Variants in ETV6 observed in about 807,000 individuals in gnomAD.
ETV6 encodes ETS variant transcription factor 6.
ETV6 carries 16 observed loss-of-function variants against 51.1 expected under a neutral mutation model. The ratio of observed to expected loss-of-function variants is 0.31; its 90% CI spans 0.21 to 0.48. The LOEUF is 0.48. Among genes scored for constraint, ETV6 ranks in the 20% least tolerant of loss-of-function variants. The probability of loss-of-function intolerance (pLI) is 0.99; values close to 1 mark genes in which losing one functional copy is unlikely to be tolerated. For synonymous variants in ETV6, 240 were observed against 224.1 expected (o/e 1.07, Z -0.64); for missense variants, 458 against 594.8 (o/e 0.77, Z 2.39).
intron 5 of ETV6, among the ~76,000 whole-genome samples, chr12:11,871,059 G>C (rs1050285186): frequency 7.9e-5 from 12 of 152,126 alleles, no homozygotes; most frequent in Non-Finnish European, 1.3e-4. Flanking sequence ...GTTCAGGGAA[G>C]GGTGAGAAAT....
Position 11,730,425 on chromosome 12 carries a change from G to A in ETV6, c.34-22025G>A, listed in dbSNP as rs188532018. On this transcript the variant is annotated intron_variant, in intron 1 of 7. Transcript: ENST00000396373. ...GCTGCTCTGGGGTTGCCAAGCTCAA[G>A]GAAGCCAATTGTAGTGTGCACAAAG... Among the ~76,000 whole-genome samples, 4 of 152,340 alleles carry A rather than the reference G, an allele frequency of 2.6e-5. No homozygotes were observed. In the East Asian group the frequency reaches 7.7e-4, roughly 29 times the overall value.
chr12:11,669,800 C>G (rs1166129288), intron 1 of ETV6, among the ~76,000 whole-genome samples: 1 of 152,100 alleles, frequency 6.6e-6, no homozygotes, highest in African/African-American at 2.4e-5. Flanking sequence ...TATATTCATT[C>G]GTATTCCCAA....
intron 1 of ETV6, among the ~76,000 whole-genome samples, chr12:11,748,657 TGGG>T (rs1865951861): frequency 6.6e-6 from 1 of 151,972 alleles, no homozygotes; most frequent in Non-Finnish European, 1.5e-5. Flanking sequence ...AACCTGAGGG[TGGG>T]TGTGGGGGAA....
chr12:11,652,370 G>T (rs1863922000), intron 1 of ETV6, among the ~76,000 whole-genome samples: 1 of 152,206 alleles, frequency 6.6e-6, no homozygotes, highest in Non-Finnish European at 1.5e-5. Context: ...TTCTGGTGAT[G>T]TGTGCTGCGT....
intron 2 of ETV6, among the ~76,000 whole-genome samples, chr12:11,781,139 T>A (rs1156248751): frequency 6.6e-6 from 1 of 152,198 alleles, no homozygotes; most frequent in Non-Finnish European, 1.5e-5. Context: ...GTCCAACTCT[T>A]AGGAAGTGTT....
chr12:11,828,544 A>G (rs1039790683), intron 2 of ETV6, among the ~76,000 whole-genome samples: 1 of 152,140 alleles, frequency 6.6e-6, no homozygotes, highest in African/African-American at 2.4e-5. Flanking sequence ...TGTCAGAACT[A>G]TTTGCATACA....
chr12:11,877,692 T>C (rs571276958), intron 5 of ETV6, among the ~76,000 whole-genome samples: 2 of 152,194 alleles, frequency 1.3e-5, no homozygotes, highest in East Asian at 3.9e-4. Context: ...AGGGAAGCAG[T>C]GTGGGCCTGT....
chr12:11,680,573 C>T (rs1591604472), intron 1 of ETV6, among the ~76,000 whole-genome samples: 1 of 152,230 alleles, frequency 6.6e-6, no homozygotes, highest in African/African-American at 2.4e-5. Context: ...AGGATTAACT[C>T]TCTCCATTAA....
chr12:11,687,466 C>T (rs205531), intron 1 of ETV6, among the ~76,000 whole-genome samples: 133,792 of 152,062 alleles, frequency 0.88, 59,461 homozygotes, highest in East Asian at 1. Flanking sequence ...ACAGGCGTGA[C>T]CCGCACCCAG....
At chr12:11,747,983 C>T (rs1158345026) in intron 1 of ETV6, among the ~76,000 whole-genome samples, 2 of 152,142 alleles carry the variant, frequency 1.3e-5, no homozygotes, top group Non-Finnish European at 2.9e-5. Flanking sequence ...TAGAAGTTGA[C>T]GACGGTACAA....
At chr12:11,772,128 T>C (rs536618639) in intron 2 of ETV6, among the ~76,000 whole-genome samples, 13 of 152,208 alleles carry the variant, frequency 8.5e-5, no homozygotes, top group Non-Finnish European at 1.9e-4. Context: ...TTCAGACACC[T>C]AAAAAGTAGA....
rs764661178 is a variant in ETV6, at chr12:11,869,360, G to T, written c.464-64G>T. 27 of 1,465,420 alleles carry T rather than the reference G, an allele frequency of 1.8e-5. No homozygotes were observed. The highest frequency in any genetic ancestry group is 2.5e-5 in the Non-Finnish European group (27 of 1,074,604). The allele number at this position is 1,465,420 out of a possible 1,614,324, so 90.8% of individuals were successfully genotyped here. The stretch of plus-strand genomic sequence containing the variant: ...TCCTCCATTTACCGCCTGTAGAGCC[G>T]CAGGGAGTTTCCTGTCCTGCCAACT... On this transcript the variant is annotated intron_variant, in intron 4 of 7. Coordinates refer to ENST00000396373, the MANE Select transcript of ETV6 (RefSeq NM_001987.5). This position sits in a 1 kb window ranked among gnomAD's most constrained non-coding sequence, Gnocchi z 5.0.
In ETV6 at chr12:11,893,794, TTATA is replaced by T. The variant is rs57308697; in HGVS notation, c.*2793_*2796del. 1,759 of 78,888 alleles carry T rather than the reference TTATA, an allele frequency of 0.022. 24 individuals are homozygous for T. Among genetic ancestry groups the T allele is most frequent in the Admixed American group, 0.025 (176 of 7,072 alleles). The allele number at this position is 78,888 out of a possible 1,614,324, so 4.9% of individuals were successfully genotyped here. ...GTGTCCATCCCCAAGATCTCTCATT[TTATA>T]TATATATATATATATATATATATAT... is the stretch of plus-strand genomic sequence containing the variant. On this transcript the variant is annotated 3_prime_UTR_variant, in exon 8 of 8. Coordinates refer to ENST00000396373, the MANE Select transcript of ETV6 (RefSeq NM_001987.5).
intron 1 of ETV6, among the ~76,000 whole-genome samples, chr12:11,734,539 A>G (rs1422330098): frequency 1.3e-5 from 2 of 152,030 alleles, no homozygotes; most frequent in African/African-American, 4.8e-5. Flanking sequence ...GAAAAAAAAA[A>G]AAAGAAGAAG....
intron 2 of ETV6, chr12:11,752,803 C>A: frequency 2.4e-6 from 1 of 419,812 alleles, no homozygotes. Flanking sequence ...CTGACTATGA[C>A]ATGTTAAAAA....
chr12:11,815,667 G>C (rs1945981812), intron 2 of ETV6, among the ~76,000 whole-genome samples: 1 of 152,250 alleles, frequency 6.6e-6, no homozygotes, highest in South Asian at 2.1e-4. Context: ...TTTGCAAACT[G>C]TGGAGTATTG....
chr12:11,753,970 G>T (rs184280445), intron 2 of ETV6, among the ~76,000 whole-genome samples: 14 of 152,300 alleles, frequency 9.2e-5, no homozygotes, highest in African/African-American at 3.4e-4. Context: ...AGGTGCCAGG[G>T]TCATGGCTGG....
At chr12:11,727,416 T>C (rs1865511396) in intron 1 of ETV6, among the ~76,000 whole-genome samples, 1 of 152,206 alleles carries the variant, frequency 6.6e-6, no homozygotes, top group Non-Finnish European at 1.5e-5. Flanking sequence ...GCCTGGGAGC[T>C]TTCTGTTCTA....
intron 1 of ETV6, among the ~76,000 whole-genome samples, chr12:11,711,152 A>C (rs891763704): frequency 2.0e-5 from 3 of 152,178 alleles, no homozygotes; most frequent in African/African-American, 7.2e-5. Flanking sequence ...ATTCTTTGGG[A>C]GCTCTGGGTG....
Sources: allele counts gnomAD v4.1 joint callset (sites outside exome capture counted in the v4.1 genomes callset), GRCh38; gene constraint gnomAD v4.1.1; non-coding constraint Gnocchi (gnomAD v3.1); transcripts MANE v1.5; gene names NCBI Gene and HGNC (gene_info 2026-07-23, HGNC 2026-07-21).